DAB1: variants seen among roughly 807,000 people sequenced by gnomAD.
DAB1 encodes the protein disabled homolog 1.
DAB1 carries 15 observed loss-of-function variants against 64.6 expected under a neutral mutation model. The ratio of observed to expected loss-of-function variants is 0.23; its 90% CI spans 0.16 to 0.36. The LOEUF is 0.36. DAB1 is among the 10% of genes least tolerant of loss of function. The probability of loss-of-function intolerance (pLI) is 1.00; values close to 1 mark genes in which losing one functional copy is unlikely to be tolerated. For missense variants in DAB1, 596 were observed against 706.7 expected, an observed-to-expected ratio of 0.84 and a Z score of 1.78; for synonymous variants, 235 against 251.9, an observed-to-expected ratio of 0.93 and a Z score of 0.64.
chr1:57,706,005 T>A (rs1233456602), intron 6 of DAB1, among the ~76,000 whole-genome samples: 1 of 151,868 alleles, frequency 6.6e-6, no homozygotes, highest in Non-Finnish European at 1.5e-5. Flanking sequence ...AATATATAAT[T>A]TAAGGTATAT....
intron 4 of DAB1, among the ~76,000 whole-genome samples, chr1:58,215,035 C>G (rs1658769545): frequency 6.6e-6 from 1 of 152,192 alleles, no homozygotes; most frequent in African/African-American, 2.4e-5. Context: ...GAGATGCTGT[C>G]TTCCCCTTGC....
At chr1:58,511,651 A>C (rs1646079104) in intron 2 of DAB1, among the ~76,000 whole-genome samples, 1 of 152,072 alleles carries the variant, frequency 6.6e-6, no homozygotes, top group African/African-American at 2.4e-5. Flanking sequence ...ACACACACAC[A>C]CAAACCCCAC....
At chr1:57,910,644 A>C (rs1486334898) in intron 5 of DAB1, among the ~76,000 whole-genome samples, 2 of 152,210 alleles carry the variant, frequency 1.3e-5, no homozygotes, top group African/African-American at 4.8e-5. Context: ...CAAGGCTGTC[A>C]TTTCCACTGG....
At chr1:57,615,256 T>C (rs894767792) in intron 7 of DAB1, among the ~76,000 whole-genome samples, 5 of 152,244 alleles carry the variant, frequency 3.3e-5, no homozygotes, top group Admixed American at 2.0e-4. Context: ...CTTTGCTGTT[T>C]CGTGTCCACA....
In DAB1 at chr1:58,276,750, A is replaced by C. The variant is rs142155468; in HGVS notation, n.309+66602T>G. Among the ~76,000 whole-genome samples the C allele has an allele frequency of 4.6e-3, 697 of 152,302 alleles. 3 individuals carry two copies. Among genetic ancestry groups the C allele is most frequent in the African/African-American group, 0.016 (659 of 41,556 alleles). On this transcript the variant is annotated intron_variant and non_coding_transcript_variant, in intron 4 of 20. Coordinates refer to the DAB1 transcript ENST00000485760. Reference sequence around the variant, plus strand: ...TTGAGAACTGGCTATCTAGTGCATAAATTATCTAAGTCTTATCATTTTTTC... The same window carrying C: ...TTGAGAACTGGCTATCTAGTGCATACATTATCTAAGTCTTATCATTTTTTC...
At chr1:57,527,545 C>T (rs753375232) in intron 7 of DAB1, among the ~76,000 whole-genome samples, 1 of 152,130 alleles carries the variant, frequency 6.6e-6, no homozygotes, top group East Asian at 1.9e-4. Context: ...TAGGTTAATA[C>T]TCTTTCTACT....
chr1:58,036,615 C>T (rs530677653), intron 5 of DAB1, among the ~76,000 whole-genome samples: 21 of 152,276 alleles, frequency 1.4e-4, no homozygotes, highest in African/African-American at 5.1e-4. Flanking sequence ...CAGCCTTCTA[C>T]TAATTTTTTT....
chr1:57,390,554 G>T (rs1180872283), intron 1 of DAB1, among the ~76,000 whole-genome samples: 1 of 152,162 alleles, frequency 6.6e-6, no homozygotes, highest in Non-Finnish European at 1.5e-5. Flanking sequence ...CAGTGGCATG[G>T]ATAATCAGAG....
chr1:57,689,754 G>A (rs1646741605), intron 6 of DAB1, among the ~76,000 whole-genome samples: 1 of 152,098 alleles, frequency 6.6e-6, no homozygotes, highest in South Asian at 2.1e-4. Flanking sequence ...TTATCTTTGT[G>A]TTACAAATAA....
At chr1:57,952,190 T>C (rs755284780) in intron 5 of DAB1, among the ~76,000 whole-genome samples, 2 of 152,172 alleles carry the variant, frequency 1.3e-5, no homozygotes, top group Admixed American at 6.5e-5. Context: ...AGAAGCACTG[T>C]TGTGGATCAC....
chr1:58,472,867 C>T (rs1422464570), intron 3 of DAB1, among the ~76,000 whole-genome samples: 1 of 152,056 alleles, frequency 6.6e-6, no homozygotes, highest in Non-Finnish European at 1.5e-5. Context: ...TTATAAATCA[C>T]GTGTGGAAGT....
At chr1:58,332,661 G>A (rs974000348) in intron 4 of DAB1, among the ~76,000 whole-genome samples, 4 of 152,114 alleles carry the variant, frequency 2.6e-5, no homozygotes, top group African/African-American at 7.2e-5. Flanking sequence ...GGCCAAAAAG[G>A]AGAAGAATTA....
chr1:57,829,093 A>G (rs114745696), intron 1 of DAB1, among the ~76,000 whole-genome samples: 1 of 151,980 alleles, frequency 6.6e-6, no homozygotes, highest in Admixed American at 6.6e-5. Flanking sequence ...CCCACCCCTA[A>G]AGCATTCACC....
At chr1:57,406,813 T>C (rs1683678794) in intron 1 of DAB1, among the ~76,000 whole-genome samples, 1 of 152,172 alleles carries the variant, frequency 6.6e-6, no homozygotes, top group Non-Finnish European at 1.5e-5. Flanking sequence ...CACCTACTCC[T>C]TCACACCCTC....
intron 1 of DAB1, among the ~76,000 whole-genome samples, chr1:57,359,067 G>A (rs377757552): frequency 4.9e-4 from 75 of 152,054 alleles, no homozygotes; most frequent in African/African-American, 1.8e-3. Flanking sequence ...AAGATCTCAA[G>A]AGCATAGGTA....
rs867509201 is a variant in DAB1 at position 58,266,946 on chromosome 1, G to A, written n.309+76406C>T. ...TTAAAATAATTCAAGTAGGCTGGGC[G>A]CGGTGGCTCATGCCTCTAATCCCAG... On this transcript the variant is annotated intron_variant and non_coding_transcript_variant, in intron 4 of 20. Coordinates refer to the DAB1 transcript ENST00000485760. Among the ~76,000 whole-genome samples, 35 of 151,966 alleles carry A rather than the reference G, an allele frequency of 2.3e-4. No homozygotes were observed. In the Middle Eastern group the frequency reaches 0.014, roughly 59 times the overall value.
chr1:57,838,808 T>C (rs1322186650), intron 1 of DAB1, among the ~76,000 whole-genome samples: 1 of 150,946 alleles, frequency 6.6e-6, no homozygotes, highest in East Asian at 1.9e-4. Context: ...GCAGGGTCTC[T>C]CTCTGTCACC....
At chr1:58,300,751 G>T (rs1569621553) in intron 4 of DAB1, among the ~76,000 whole-genome samples, 1 of 151,662 alleles carries the variant, frequency 6.6e-6, no homozygotes, top group South Asian at 2.1e-4. Flanking sequence ...AAGGAAGTAG[G>T]GCTTCCTTGG....
At chr1:57,341,568 G>C (rs546216995) in intron 1 of DAB1, among the ~76,000 whole-genome samples, 1 of 152,280 alleles carries the variant, frequency 6.6e-6, no homozygotes, top group South Asian at 2.1e-4. Context: ...CCCAGGATTG[G>C]AGTGTATGTG....
Sources: allele counts gnomAD v4.1 joint callset (sites outside exome capture counted in the v4.1 genomes callset), GRCh38; gene constraint gnomAD v4.1.1; transcripts MANE v1.5; gene names NCBI Gene and HGNC (gene_info 2026-07-23, HGNC 2026-07-21).